The following DIAPH2 variants were observed in gnomAD, a reference collection of about 807,000 sequenced individuals.
DIAPH2 encodes the protein diaphanous related formin 2.
A neutral mutation model predicts 92.7 loss-of-function variants in DIAPH2; 35 were observed. The ratio of observed to expected loss-of-function variants is 0.38; its 90% CI spans 0.29 to 0.50. The LOEUF (loss-of-function observed/expected upper bound fraction) is 0.50. DIAPH2 is among the 20% of genes least tolerant of loss of function. The probability of loss-of-function intolerance (pLI) is 0.94; values close to 1 mark genes in which losing one functional copy is unlikely to be tolerated. For missense variants in DIAPH2, 701 were observed against 819.5 expected, an observed-to-expected ratio of 0.86 and a Z score of 1.77; for synonymous variants, 301 against 280.4, an observed-to-expected ratio of 1.07 and a Z score of -0.73.
chrX:97,424,423 C>G (rs1445347373), intron 25 of DIAPH2, among the ~76,000 whole-genome samples: 1 of 111,174 alleles, frequency 9.0e-6, no homozygotes, highest in African/African-American at 3.3e-5. Flanking sequence ...GGTACATAAA[C>G]AGACGTACAA....
rs961376690 is a variant in DIAPH2 at position 96,990,569 on chromosome X, C to T, written c.2050+25362C>T. 1.2e-4 allele frequency among the ~76,000 whole-genome samples: 13 copies of T among 110,381 alleles called. No homozygotes were observed. In the South Asian group the frequency reaches 4.6e-3, roughly 39 times the overall value. ...TACCCTGTTTTTTAAATTTTTTTTT[C>T]GAAAAAGTTTTGTTTGTTTTTTATT... is the stretch of plus-strand genomic sequence containing the variant. On this transcript the variant is annotated intron_variant, in intron 17 of 26. Coordinates refer to ENST00000324765, the MANE Select transcript of DIAPH2 (RefSeq NM_006729.5).
chrX:96,724,600 C>T (rs1293966805), intron 1 of DIAPH2, among the ~76,000 whole-genome samples: 1 of 111,464 alleles, frequency 9.0e-6, no homozygotes, highest in Non-Finnish European at 1.9e-5. Context: ...GGTTTGAAGC[C>T]TTTGTTGGCA....
intron 24 of DIAPH2, among the ~76,000 whole-genome samples, chrX:97,352,738 C>T (rs1397543455): frequency 9.4e-6 from 1 of 106,404 alleles, no homozygotes; most frequent in Non-Finnish European, 2.0e-5. Context: ...GGCATGGTGG[C>T]AGGTGCCTGT....
intron 22 of DIAPH2, among the ~76,000 whole-genome samples, chrX:97,146,890 C>A (rs73546755): frequency 1.3e-3 from 142 of 111,511 alleles, no homozygotes; most frequent in African/African-American, 4.6e-3. Flanking sequence ...GTAGCAGATC[C>A]CTACAGGATT....
At chrX:96,751,949 G>A (rs2064196833) in intron 3 of DIAPH2, among the ~76,000 whole-genome samples, 3 of 98,993 alleles carry the variant, frequency 3.0e-5, no homozygotes, top group Non-Finnish European at 6.6e-5. Flanking sequence ...CACCGCGCCC[G>A]GCCGACTTCA....
chrX:96,771,487 A>T (rs2064338474), intron 4 of DIAPH2, among the ~76,000 whole-genome samples: 1 of 111,660 alleles, frequency 9.0e-6, no homozygotes, highest in Non-Finnish European at 1.9e-5. Flanking sequence ...TTTTACTAAC[A>T]ATGGAAAAAA....
At chrX:97,332,937 T>C (rs1213523519) in intron 23 of DIAPH2, among the ~76,000 whole-genome samples, 2 of 112,290 alleles carry the variant, frequency 1.8e-5, no homozygotes, top group African/African-American at 6.5e-5. Flanking sequence ...CCCAGGGACC[T>C]TCCCTTTGGC....
chrX:96,945,397 G>T, intron 13 of DIAPH2, 130 bp from the exon 14 acceptor site: 1 of 459,455 alleles, frequency 2.2e-6, no homozygotes, highest in East Asian at 4.2e-5. Context: ...GTATAGTATA[G>T]GTCAATTTCC....
At chrX:97,264,434 GAC>G (rs371832874) in intron 23 of DIAPH2, among the ~76,000 whole-genome samples, 281 of 108,383 alleles carry the variant, frequency 2.6e-3, no homozygotes, top group African/African-American at 8.3e-3. Context: ...TAGACACACA[GAC>G]ACACACACAC....
intron 26 of DIAPH2, among the ~76,000 whole-genome samples, chrX:97,551,595 TA>T (rs1213709280): frequency 2.0e-3 from 202 of 98,736 alleles, no homozygotes; most frequent in African/African-American, 2.6e-3. Flanking sequence ...CTCCGTTTTT[TA>T]AAAAAAAAAA....
intron 23 of DIAPH2, among the ~76,000 whole-genome samples, chrX:97,295,375 CA>C (rs1602486689): frequency 8.9e-6 from 1 of 111,860 alleles, no homozygotes; most frequent in African/African-American, 3.2e-5. Flanking sequence ...AATGTGAAAC[CA>C]ATACTATTAA....
intron 4 of DIAPH2, among the ~76,000 whole-genome samples, chrX:96,864,970 T>G (rs1447089354): frequency 8.9e-6 from 1 of 112,263 alleles, no homozygotes; most frequent in Non-Finnish European, 1.9e-5. Context: ...TAATTCATTT[T>G]GTGTTCTTCC....
intron 24 of DIAPH2, among the ~76,000 whole-genome samples, chrX:97,383,641 T>A (rs1364567617): frequency 4.6e-5 from 5 of 107,653 alleles, no homozygotes; most frequent in Non-Finnish European, 9.6e-5. Flanking sequence ...TATTTCTAAA[T>A]CTTTTTTCAA....
intron 4 of DIAPH2, among the ~76,000 whole-genome samples, chrX:96,829,830 G>A (rs982587070): frequency 2.7e-5 from 3 of 109,843 alleles, no homozygotes; most frequent in Non-Finnish European, 5.7e-5. Context: ...GTCCTATTTA[G>A]TATAGTAATA....
rs200085051 is a variant in DIAPH2 at position 97,592,889 on chromosome X, C to G, written c.3242-6364C>G. On this transcript the variant is annotated intron_variant, in intron 26 of 26. Transcript: ENST00000324765. ...CATCTCTTCTACCAACCTGAACTAC[C>G]ACAGTAATCTAGGTTTCTGTTTTCT... is the stretch of plus-strand genomic sequence containing the variant. Among the ~76,000 whole-genome samples the G allele has an allele frequency of 8.9e-5, 10 of 111,893 alleles. No homozygotes were observed. In the East Asian group the frequency reaches 2.8e-3, roughly 31 times the overall value.
At chrX:96,983,826 C>G (rs1390768651) in intron 17 of DIAPH2, among the ~76,000 whole-genome samples, 1 of 111,762 alleles carries the variant, frequency 8.9e-6, no homozygotes, top group Non-Finnish European at 1.9e-5. Flanking sequence ...GTAATCAACT[C>G]TTTCCAATTT....
chrX:97,303,841 A>C (rs1055465854), intron 23 of DIAPH2, among the ~76,000 whole-genome samples: 7 of 111,468 alleles, frequency 6.3e-5, no homozygotes, highest in Non-Finnish European at 1.1e-4. Context: ...TGTGTGTAAT[A>C]CTTTTTAACA....
At chrX:96,971,456 A>ATG (rs1164986255) in intron 17 of DIAPH2, among the ~76,000 whole-genome samples, 1 of 109,624 alleles carries the variant, frequency 9.1e-6, no homozygotes, top group African/African-American at 3.3e-5. Flanking sequence ...GTGTGGGTGT[A>ATG]TGTGTGTGTG....
intron 23 of DIAPH2, among the ~76,000 whole-genome samples, chrX:97,335,784 G>A (rs1372190895): frequency 8.9e-6 from 1 of 111,936 alleles, no homozygotes; most frequent in Non-Finnish European, 1.9e-5. Context: ...TTTGGTTGTT[G>A]TTAGTGTGTA....
Sources: allele counts gnomAD v4.1 joint callset (sites outside exome capture counted in the v4.1 genomes callset), GRCh38; gene constraint gnomAD v4.1.1; transcripts MANE v1.5; gene names NCBI Gene and HGNC (gene_info 2026-07-23, HGNC 2026-07-21).